The following ANKRD30A variants were observed in gnomAD, a reference collection of about 807,000 sequenced individuals.
The protein encoded by ANKRD30A is ankyrin repeat domain-containing protein 30A.
ANKRD30A carries 170 observed loss-of-function variants against 166.3 expected under a neutral mutation model. The observed-to-expected ratio is 1.02, with a 90% confidence interval of 0.90 to 1.16. The LOEUF (loss-of-function observed/expected upper bound fraction) is 1.16, where lower values mean the gene tolerates loss of function less well. Ranked by LOEUF, ANKRD30A falls within the 50% of genes most tolerant of loss-of-function variation. ANKRD30A has a pLI of 0.00. For missense variants in ANKRD30A, 1,630 were observed against 1,518.0 expected, an observed-to-expected ratio of 1.07 and a Z score of -1.23; for synonymous variants, 564 against 508.9, an observed-to-expected ratio of 1.11 and a Z score of -1.46.
At chr10:37,207,847 A>G (rs1763943283) in intron 31 of ANKRD30A, among the ~76,000 whole-genome samples, 1 of 152,100 alleles carries the variant, frequency 6.6e-6, no homozygotes, top group Non-Finnish European at 1.5e-5. Flanking sequence ...TTGATAGAAA[A>G]GTATATATAT....
chr10:37,149,911 T>C (rs78916295), intron 11 of ANKRD30A, 62 bp downstream of exon 11: 32 of 1,598,224 alleles, frequency 2.0e-5, no homozygotes, highest in African/African-American at 9.4e-5. Flanking sequence ...TTTGATGGTC[T>C]TTCTATCCCC....
In ANKRD30A at chr10:37,136,685, T is replaced by C. The variant is rs144419261; in HGVS notation, c.820+14T>C. On this transcript the variant is annotated intron_variant, in intron 6 of 35. Coordinates refer to ENST00000361713, the MANE Select transcript of ANKRD30A (RefSeq NM_052997.3). ...ATACCAATCCAGGTAAGACTTCTGA[T>C]AGTAAACTACCCTTGGTGGTGCTAT... The C allele has an allele frequency of 2.2e-6, 3 of 1,378,422 alleles. No individual in the cohort carries two copies. In the African/African-American group the frequency reaches 4.4e-5, roughly 20 times the overall value. 85.4% of individuals were successfully genotyped at this position (1,378,422 alleles called of 1,614,324 possible). A position where few individuals can be genotyped will look rare whatever the true frequency, so the allele number is the denominator to read the frequency against.
intron 25 of ANKRD30A, among the ~76,000 whole-genome samples, chr10:37,189,859 T>A (rs1440642214): frequency 6.6e-6 from 1 of 151,400 alleles, no homozygotes; most frequent in Non-Finnish European, 1.5e-5. Flanking sequence ...AGACAGAGCG[T>A]ACAGAGAGTA....
chr10:37,225,920 TAAAAA>T (rs940482177), intron 34 of ANKRD30A, among the ~76,000 whole-genome samples: 1 of 150,484 alleles, frequency 6.6e-6, no homozygotes, highest in Non-Finnish European at 1.5e-5. Context: ...TTTATCAGTC[TAAAAA>T]AAAATTCGGC....
the ANKRD30A span, among the ~76,000 whole-genome samples, chr10:37,244,756 A>G: frequency 6.6e-6 from 1 of 152,194 alleles, no homozygotes; most frequent in South Asian, 2.1e-4. Flanking sequence ...CCATCTCTGC[A>G]TGGATGCCTC....
the ANKRD30A span, among the ~76,000 whole-genome samples, chr10:37,259,584 C>T: frequency 6.6e-6 from 1 of 152,200 alleles, no homozygotes; most frequent in Admixed American, 6.5e-5. Context: ...GAGCTGGAAG[C>T]AACCCAGTTG....
chr10:37,239,735 C>T, the ANKRD30A span, among the ~76,000 whole-genome samples: 3 of 152,126 alleles, frequency 2.0e-5, no homozygotes, highest in Admixed American at 6.6e-5. Context: ...CAGCACTACA[C>T]GTGTATAGTC....
chr10:37,194,125 G>A (rs531110710), intron 27 of ANKRD30A, among the ~76,000 whole-genome samples: 1 of 152,146 alleles, frequency 6.6e-6, no homozygotes, highest in East Asian at 1.9e-4. Flanking sequence ...GAACGTAGGA[G>A]GCAGAAGTTG....
rs149293826 is a variant in ANKRD30A at position 37,149,486 on chromosome 10, C to T, written c.1544-165C>T. ...TATTTATATTTTCTTCAGTGTATTC[C>T]TGTCGTGTGTGTGTCCTAAACAAAC... is the stretch of plus-strand genomic sequence containing the variant. On this transcript the variant is annotated intron_variant, in intron 9 of 35. Transcript: ENST00000361713. 1.9e-3 allele frequency among the ~76,000 whole-genome samples: 283 copies of T among 152,068 alleles called. 1 individual carries two copies. The highest frequency in any genetic ancestry group is 6.5e-3 in the African/African-American group (268 of 41,538).
intron 12 of ANKRD30A, among the ~76,000 whole-genome samples, chr10:37,152,609 C>T (rs1453111584): frequency 1.3e-5 from 2 of 152,072 alleles, no homozygotes; most frequent in African/African-American, 4.8e-5. Context: ...TCTGAAGGAA[C>T]ATTTCAGCAG....
At chr10:37,158,620 G>A (rs752677239) in intron 15 of ANKRD30A, 34 bp downstream of exon 15, 13 of 1,605,806 alleles carry the variant, frequency 8.1e-6, no homozygotes, top group Non-Finnish European at 1.1e-5. Context: ...ACTCTGGAAA[G>A]GAGAATATTA....
intron 29 of ANKRD30A, among the ~76,000 whole-genome samples, chr10:37,199,065 C>T (rs1841398564): frequency 6.6e-6 from 1 of 152,048 alleles, no homozygotes; most frequent in Non-Finnish European, 1.5e-5. Context: ...CAAGGTGTCA[C>T]AAGCTGACTC....
intron 25 of ANKRD30A, among the ~76,000 whole-genome samples, chr10:37,191,265 G>C (rs1199991523): frequency 2.6e-5 from 4 of 151,772 alleles, no homozygotes; most frequent in Admixed American, 2.0e-4. Flanking sequence ...TCCAGTATAT[G>C]GGTATGAAAA....
At chr10:37,224,992 TTCC>T (rs1364501102) in intron 34 of ANKRD30A, among the ~76,000 whole-genome samples, 3 of 151,734 alleles carry the variant, frequency 2.0e-5, no homozygotes, top group East Asian at 3.9e-4. Context: ...AAATATGCTT[TTCC>T]CCTTTGATGC....
intron 8 of ANKRD30A, 89 bp downstream of exon 8, chr10:37,145,145 T>TA (rs1047889176): frequency 9.2e-6 from 9 of 974,838 alleles, no homozygotes; most frequent in African/African-American, 1.7e-5. Flanking sequence ...TTGGTTTTCT[T>TA]ACCACTGCCT....
chr10:37,125,890 C>G lies in ANKRD30A; in HGVS notation c.103C>G (p.His35Asp). 6.4e-7 allele frequency: 1 copy of G among 1,567,564 alleles called. No individual in the cohort carries two copies. Among genetic ancestry groups the G allele is most frequent in the Non-Finnish European group, 8.8e-7 (1 of 1,140,588 alleles). Residue 35 changes from histidine (H) to aspartate (D), a missense_variant, in exon 1 of 36, where the codon CAC becomes GAC. Physicochemically the swap from His to Asp is moderately conservative, Grantham distance 81. Around this residue, in one of 4 missense-constraint regions of ANKRD30A, gnomAD observed 904 missense variants for 818.5 expected, o/e 1.10. Transcript: ENST00000361713. Reference sequence around the variant, plus strand: ...TACCAGCAACGACTCCTACATCGTCCACTCTGGGGATCTTAGAAAGATCCA... The same window carrying G: ...TACCAGCAACGACTCCTACATCGTCGACTCTGGGGATCTTAGAAAGATCCA... The part of the protein sequence containing the change: ...VYTSNDSYIV[H>D]SGDLRKIHKA...
At chr10:37,194,124 A>G (rs1481426433) in intron 27 of ANKRD30A, among the ~76,000 whole-genome samples, 1 of 151,742 alleles carries the variant, frequency 6.6e-6, no homozygotes, top group Non-Finnish European at 1.5e-5. Flanking sequence ...TGAACGTAGG[A>G]GGCAGAAGTT....
chr10:37,143,520 G>A (rs12355734), intron 7 of ANKRD30A, among the ~76,000 whole-genome samples: 7,300 of 152,086 alleles, frequency 0.048, 234 homozygotes, highest in South Asian at 0.061. Flanking sequence ...CAGGTGTGGC[G>A]GCATGCACCT....
At chr10:37,221,581 A>C (rs562707213) in intron 34 of ANKRD30A, among the ~76,000 whole-genome samples, 3 of 151,488 alleles carry the variant, frequency 2.0e-5, no homozygotes, top group African/African-American at 7.2e-5. Flanking sequence ...ATATGTCATT[A>C]TAGTTAGTTT....
Sources: gnomAD v4.1 joint callset for allele counts (sites outside exome capture counted in the v4.1 genomes callset) on GRCh38, gnomAD v4.1.1 for gene constraint, gnomAD v4.1.1 regional missense constraint, MANE v1.5 for transcripts, NCBI Gene and HGNC (gene_info 2026-07-23, HGNC 2026-07-21) for gene names.